The following PRKCQ variants were observed in gnomAD, a reference collection of about 807,000 sequenced individuals.
PRKCQ encodes the protein protein kinase C theta type.
PRKCQ carries 41 observed loss-of-function variants against 91.2 expected under a neutral mutation model. That is an observed-to-expected ratio of 0.45 (90% CI 0.35 to 0.58). PRKCQ has a LOEUF of 0.58. Ranked by LOEUF, PRKCQ falls within the 20% of genes least tolerant of loss-of-function variation. PRKCQ has a pLI of 0.00. For missense variants in PRKCQ, 673 were observed against 896.5 expected, an observed-to-expected ratio of 0.75 and a Z score of 3.18; for synonymous variants, 307 against 316.9, an observed-to-expected ratio of 0.97 and a Z score of 0.33.
At chr10:6,477,679 C>T (rs1226365487) in intron 12 of PRKCQ, among the ~76,000 whole-genome samples, 1 of 152,160 alleles carries the variant, frequency 6.6e-6, no homozygotes, top group Non-Finnish European at 1.5e-5. Context: ...ACCAGCCTGG[C>T]CAACATGGTG....
chr10:6,565,336 G>A (rs921513821), intron 1 of PRKCQ, among the ~76,000 whole-genome samples: 1 of 152,164 alleles, frequency 6.6e-6, no homozygotes, highest in African/African-American at 2.4e-5. Flanking sequence ...AGATACATAT[G>A]CTCTCTGTTC....
At chr10:6,526,346 C>G (rs772101298) in intron 1 of PRKCQ, among the ~76,000 whole-genome samples, 8 of 152,164 alleles carry the variant, frequency 5.3e-5, no homozygotes, top group Admixed American at 2.0e-4. Context: ...ACACTGCAGT[C>G]AGCCAAAGAG....
the PRKCQ span, among the ~76,000 whole-genome samples, chr10:6,409,734 G>GT: frequency 3.8e-4 from 56 of 148,270 alleles, no homozygotes; most frequent in East Asian, 1.6e-3. Flanking sequence ...TCTACAGAAG[G>GT]TTTTTTTTTT....
chr10:6,436,562 C>A (rs533291266), intron 16 of PRKCQ, among the ~76,000 whole-genome samples: 1 of 152,174 alleles, frequency 6.6e-6, no homozygotes, highest in African/African-American at 2.4e-5. Flanking sequence ...CTGAGAGTCA[C>A]GCCCACCCTC....
chr10:6,447,656 G>A (rs1315877520), intron 15 of PRKCQ, among the ~76,000 whole-genome samples: 2 of 152,140 alleles, frequency 1.3e-5, no homozygotes, highest in African/African-American at 2.4e-5. Flanking sequence ...AAATGCATGA[G>A]CTTCTGAGAT....
rs1462513706 is a variant in PRKCQ, at chr10:6,428,354, T to C, written c.1974A>G (p.Pro658=). Reference sequence around the variant, plus strand: ...CTTTGTCGAAATTGCTGCAGTCAAATGGTGATTTCTTAGTCAGAGTTTAAG... The same window carrying C: ...CTTTGTCGAAATTGCTGCAGTCAAACGGTGATTTCTTAGTCAGAGTTTAAG... ...DPPFRPKVKS[P]FDCSNFDKEF... The change falls in exon 18 of 18, where the codon CCA becomes CCG. Residue 658 remains proline (P), a synonymous_variant. Transcript: ENST00000263125. The C allele has an allele frequency of 1.1e-5, 18 of 1,613,196 alleles. No individual in the cohort carries two copies. The highest frequency in any genetic ancestry group is 1.5e-5 in the Non-Finnish European group (18 of 1,179,702).
intron 1 of PRKCQ, among the ~76,000 whole-genome samples, chr10:6,556,063 C>T (rs1348407455): frequency 6.6e-6 from 1 of 152,064 alleles, no homozygotes; most frequent in Non-Finnish European, 1.5e-5. Flanking sequence ...TAGGAATGAC[C>T]TCTTCATTTA....
At chr10:6,397,924 TA>T in the PRKCQ span, among the ~76,000 whole-genome samples, 30 of 148,278 alleles carry the variant, frequency 2.0e-4, no homozygotes, top group East Asian at 2.3e-3. Flanking sequence ...AGACTCCGTC[TA>T]AAAAAAAAAG....
the PRKCQ span, among the ~76,000 whole-genome samples, chr10:6,414,602 G>A: frequency 6.6e-6 from 1 of 152,050 alleles, no homozygotes; most frequent in Non-Finnish European, 1.5e-5. Flanking sequence ...ATTAAGTCTA[G>A]ACATAAAATA....
At chr10:6,460,951 T>G (rs1025370846) in intron 14 of PRKCQ, among the ~76,000 whole-genome samples, 7 of 138,422 alleles carry the variant, frequency 5.1e-5, no homozygotes, top group Non-Finnish European at 9.7e-5. Flanking sequence ...CATCCATCCA[T>G]CATCCATACA....
At position 6,540,073 on chromosome 10, in the gene PRKCQ, T is replaced by C. The variant is rs551799931; in HGVS notation, c.-9-24929A>G. Among the ~76,000 whole-genome samples, 342 of 152,322 alleles carry C rather than the reference T, an allele frequency of 2.2e-3. 3 individuals are homozygous for C. Among genetic ancestry groups the C allele is most frequent in the African/African-American group, 6.9e-3 (288 of 41,568 alleles). ...GTTCTTCTTGACAGTAAATGATAAC[T>C]AAATTCCTTTAGTTATCTTTCTTTG... On this transcript the variant is annotated intron_variant, in intron 1 of 17. Transcript: ENST00000263125.
chr10:6,496,986 A>G lies in PRKCQ; in HGVS notation c.660+49T>C, dbSNP rs547775864. ...AAGAATTCGTGGGCTGTAACATTTAACGTTCTGATAAAAATCACTGCACGT... is the reference window on the plus strand; with the variant it reads ...AAGAATTCGTGGGCTGTAACATTTAGCGTTCTGATAAAAATCACTGCACGT... On this transcript the variant is annotated intron_variant, in intron 7 of 17. Coordinates refer to ENST00000263125, the MANE Select transcript of PRKCQ (RefSeq NM_006257.5). The G allele has an allele frequency of 2.2e-5, 34 of 1,529,204 alleles. No homozygotes were observed. In the South Asian group the frequency reaches 3.8e-4, roughly 17 times the overall value. The allele number at this position is 1,529,204 out of a possible 1,614,324, so 94.7% of individuals were successfully genotyped here.
intron 14 of PRKCQ, among the ~76,000 whole-genome samples, chr10:6,458,363 C>G (rs1445303850): frequency 1.3e-5 from 2 of 152,142 alleles, no homozygotes. Flanking sequence ...CTGGAGAGGG[C>G]AGAGAACCCA....
In PRKCQ at chr10:6,434,498, C is replaced by T. The variant is rs1256325088; in HGVS notation, c.1837-3560G>A. Among the ~76,000 whole-genome samples, 6 of 152,188 alleles carry T rather than the reference C, an allele frequency of 3.9e-5. No homozygotes were observed. In the East Asian group the frequency reaches 5.8e-4, roughly 15 times the overall value. ...AATTAGTATATGTTCTGCCTTGCAG[C>T]GACTCAACCCACTGAGGTCCTGAGG... On this transcript the variant is annotated intron_variant, in intron 16 of 17. Coordinates refer to ENST00000263125, the MANE Select transcript of PRKCQ (RefSeq NM_006257.5).
the PRKCQ span, among the ~76,000 whole-genome samples, chr10:6,398,451 A>G: frequency 6.6e-6 from 1 of 152,252 alleles, no homozygotes; most frequent in Non-Finnish European, 1.5e-5. Context: ...ATATTCTTTC[A>G]TGGAGGAAAA....
intron 1 of PRKCQ, among the ~76,000 whole-genome samples, chr10:6,515,706 A>T (rs1838725109): frequency 6.6e-6 from 1 of 152,194 alleles, no homozygotes; most frequent in African/African-American, 2.4e-5. Context: ...ACACACACAC[A>T]CTCTAAGCCT....
intron 3 of PRKCQ, 64 bp downstream of exon 3, chr10:6,510,931 C>T (rs1838438537): frequency 1.9e-6 from 3 of 1,590,280 alleles, no homozygotes; most frequent in Non-Finnish European, 2.6e-6. Context: ...CATGGGAGTT[C>T]TGAGCCAGTC....
chr10:6,564,180 T>C (rs1840744732), intron 1 of PRKCQ, among the ~76,000 whole-genome samples: 1 of 151,954 alleles, frequency 6.6e-6, no homozygotes, highest in Non-Finnish European at 1.5e-5. Flanking sequence ...TGATATGGAG[T>C]AACCAAAGAG....
intron 2 of PRKCQ, among the ~76,000 whole-genome samples, chr10:6,514,042 T>C (rs1290950942): frequency 6.6e-6 from 1 of 152,174 alleles, no homozygotes; most frequent in Non-Finnish European, 1.5e-5. Context: ...TCTTCCTGAG[T>C]TCCTTCAGCT....
Sources: allele counts gnomAD v4.1 joint callset (sites outside exome capture counted in the v4.1 genomes callset), GRCh38; gene constraint gnomAD v4.1.1; transcripts MANE v1.5; gene names NCBI Gene and HGNC (gene_info 2026-07-23, HGNC 2026-07-21).